ALDH7A1: variants seen among roughly 807,000 people sequenced by gnomAD.
The protein encoded by ALDH7A1 is alpha-aminoadipic semialdehyde dehydrogenase.
Under a neutral mutation model 79.9 loss-of-function variants are expected in ALDH7A1, and 63 were observed. The ratio of observed to expected loss-of-function variants is 0.79; its 90% confidence interval spans 0.64 to 0.97. The LOEUF (loss-of-function observed/expected upper bound fraction) is 0.97, where lower values mean the gene tolerates loss of function less well. Among genes scored for constraint, ALDH7A1 ranks in the 50% least tolerant of loss-of-function variants. ALDH7A1 has a pLI of 0.00. For synonymous variants in ALDH7A1, 240 were observed against 231.2 expected, an observed-to-expected ratio of 1.04 and a Z score of -0.34; for missense variants, 627 against 665.2, an observed-to-expected ratio of 0.94 and a Z score of 0.63.
At chr5:126,574,039 A>AAG (rs1256724340) in intron 7 of ALDH7A1, among the ~76,000 whole-genome samples, 4 of 151,306 alleles carry the variant, frequency 2.6e-5, no homozygotes, top group African/African-American at 9.7e-5. Flanking sequence ...AAAAAAAAAA[A>AAG]AAAAAAAGAA....
chr5:126,575,377 A>G (rs776316147), intron 7 of ALDH7A1, 43 bp downstream of exon 7: 2 of 1,593,018 alleles, frequency 1.3e-6, no homozygotes, highest in African/African-American at 1.3e-5. Context: ...AACCCTTTCA[A>G]TATTATTCCA....
At chr5:126,581,973 A>G (rs1024562037) in intron 5 of ALDH7A1, 2 of 375,098 alleles carry the variant, frequency 5.3e-6, no homozygotes, top group African/African-American at 4.3e-5. Context: ...GCGAGACTCC[A>G]TCTCAAAAAA....
rs1750386871 is a variant in ALDH7A1 at position 126,561,074 on chromosome 5, C to T, written c.913+9G>A. 1.9e-6 allele frequency: 3 copies of T among 1,613,212 alleles called. No homozygotes were observed. In the East Asian group the frequency reaches 6.7e-5, roughly 36 times the overall value. On this transcript the variant is annotated intron_variant, in intron 10 of 17. Transcript: ENST00000409134. Reference sequence around the variant, plus strand: ...CAGAAAACAAACAAAAACAAAGAGGCAGCCTTACCAATAATGGCATTGTTT... The same window carrying T: ...CAGAAAACAAACAAAAACAAAGAGGTAGCCTTACCAATAATGGCATTGTTT...
chr5:126,578,389 A>G (rs1751049654), intron 5 of ALDH7A1, among the ~76,000 whole-genome samples: 1 of 152,190 alleles, frequency 6.6e-6, no homozygotes, highest in Non-Finnish European at 1.5e-5. Context: ...CATGCCTACA[A>G]TGTCCAGCAC....
At chr5:126,582,704 C>T in intron 5 of ALDH7A1, 147 bp downstream of exon 5, 1 of 948,944 alleles carries the variant, frequency 1.1e-6, no homozygotes, top group South Asian at 1.6e-5. Flanking sequence ...TTTTAATTTG[C>T]ATTTCTTTGA....
chr5:126,593,308 AACACACACACACACACAC>A (rs142510783), intron 2 of ALDH7A1, 25 bp downstream of exon 2: 12 of 1,547,006 alleles, frequency 7.8e-6, no homozygotes, highest in African/African-American at 7.0e-5. Flanking sequence ...ATTTGAATTA[AACACACACACACACACAC>A]ACACACACAC....
intron 14 of ALDH7A1, 83 bp from the exon 15 acceptor site, chr5:126,550,376 G>T: frequency 2.9e-6 from 3 of 1,044,814 alleles, no homozygotes; most frequent in Non-Finnish European, 1.5e-6. Flanking sequence ...TTCCTGAAGT[G>T]TACCAGTATA....
chr5:126,570,492 A>C (rs1360801124), intron 8 of ALDH7A1: 1 of 369,212 alleles, frequency 2.7e-6, no homozygotes, highest in Non-Finnish European at 5.1e-6. Flanking sequence ...TTGATAAACC[A>C]AGTGTCAGGA....
chr5:126,577,534 G>C (rs17154679), intron 5 of ALDH7A1, among the ~76,000 whole-genome samples: 1 of 152,194 alleles, frequency 6.6e-6, no homozygotes, highest in Middle Eastern at 3.4e-3. Flanking sequence ...ATCACAAAGG[G>C]CAGAACATGA....
intron 7 of ALDH7A1, among the ~76,000 whole-genome samples, chr5:126,571,652 A>G (rs112080966): frequency 6.7e-6 from 1 of 148,642 alleles, no homozygotes; most frequent in African/African-American, 2.5e-5. Context: ...TTATTTATTT[A>G]TTTTTTTTTT....
rs1249290533 is a variant in ALDH7A1 at position 126,582,919 on chromosome 5, T to C, written c.449A>G (p.Tyr150Cys). 1 of 1,613,740 alleles carries C rather than the reference T, an allele frequency of 6.2e-7. No homozygotes were observed. Among genetic ancestry groups the C allele is most frequent in the Admixed American group, 1.7e-5 (1 of 59,992 alleles). The stretch of plus-strand genomic sequence containing the variant: ...AACAGCATAGTCACAGATATCCACA[T>C]ACTCCTGAACTTCACCCACACCTTC... ...LVEGVGEVQE[Y>C]VDICDYAVGL... Residue 150 changes from tyrosine to cysteine, a missense_variant, in exon 5 of 18, where the codon TAT (tyrosine) becomes TGT (cysteine). Tyr to Cys is a radical substitution (Grantham distance 194, BLOSUM62 -2). Transcript: ENST00000409134.
At chr5:126,574,023 C>CA (rs34601459) in intron 7 of ALDH7A1, among the ~76,000 whole-genome samples, 4,398 of 56,358 alleles carry the variant, frequency 0.078, 473 homozygotes, top group African/African-American at 0.2. Flanking sequence ...AAGACTGTCT[C>CA]AAAAAAAAAA....
intron 4 of ALDH7A1, among the ~76,000 whole-genome samples, chr5:126,583,517 T>C (rs1314110892): frequency 2.7e-5 from 4 of 147,994 alleles, no homozygotes. Context: ...TAATAAAATA[T>C]AATATAATAT....
chr5:126,585,169 G>C (rs1384697246), intron 3 of ALDH7A1, among the ~76,000 whole-genome samples: 1 of 152,086 alleles, frequency 6.6e-6, no homozygotes, highest in Non-Finnish European at 1.5e-5. Flanking sequence ...ATGGTGGCAG[G>C]TGCCTGTAAT....
In ALDH7A1 at chr5:126,542,700, G is replaced by C. The variant is rs1749649064; in HGVS notation, c.*2265C>G. 1 of 152,206 alleles carries C rather than the reference G, an allele frequency of 6.6e-6. No individual in the cohort carries two copies. The highest frequency in any genetic ancestry group is 1.5e-5 in the Non-Finnish European group (1 of 68,126). 9.4% of individuals were successfully genotyped at this position (152,206 alleles called of 1,614,324 possible). On this transcript the variant is annotated 3_prime_UTR_variant, in exon 18 of 18. Coordinates refer to ENST00000409134, the MANE Select transcript of ALDH7A1 (RefSeq NM_001182.5). The stretch of plus-strand genomic sequence containing the variant: ...CTGTGGTTGCAGAGCAAGAGAGAGA[G>C]GAGGCTTAACAGATTCCCACCCTGA...
In ALDH7A1 at chr5:126,551,699, C is replaced by A. The variant is rs140518171; in HGVS notation, c.1317+322G>T. Among the ~76,000 whole-genome samples the A allele has an allele frequency of 1.2e-3, 184 of 152,230 alleles. 2 individuals carry two copies. Among genetic ancestry groups the A allele is most frequent in the South Asian group, 7.3e-3 (35 of 4,818 alleles). On this transcript the variant is annotated intron_variant, in intron 14 of 17. Coordinates refer to ENST00000409134, the MANE Select transcript of ALDH7A1 (RefSeq NM_001182.5). ...TGTTCACAGCACTCAGGCTATCAAACTATCCAGTACCACGGTTCAGGAGAA... is the reference window on the plus strand; with the variant it reads ...TGTTCACAGCACTCAGGCTATCAAAATATCCAGTACCACGGTTCAGGAGAA...
At position 126,542,030 on chromosome 5, in the gene ALDH7A1, T is replaced by C. The variant is rs1261267842; in HGVS notation, c.*2935A>G. The C allele has an allele frequency of 6.6e-6, 1 of 151,066 alleles. No homozygotes were observed. Among genetic ancestry groups the C allele is most frequent in the Non-Finnish European group, 1.5e-5 (1 of 67,880 alleles). The allele number at this position is 151,066 out of a possible 1,614,324, so 9.4% of individuals were successfully genotyped here. A position where few individuals can be genotyped will look rare whatever the true frequency, so the allele number is the denominator to read the frequency against. The stretch of plus-strand genomic sequence containing the variant: ...TTTAAATCTAGAATCCTATATTCAA[T>C]CAATATGGGGATAAAGTTCTTCCCC... On this transcript the variant is annotated 3_prime_UTR_variant, in exon 18 of 18. Transcript: ENST00000409134.
intron 3 of ALDH7A1, among the ~76,000 whole-genome samples, chr5:126,585,635 C>T (rs1422906017): frequency 6.6e-6 from 1 of 152,186 alleles, no homozygotes; most frequent in Non-Finnish European, 1.5e-5. Context: ...GATCTCGGCT[C>T]AGTGCAACCT....
chr5:126,559,407 C>A (rs1581368812), intron 10 of ALDH7A1, 73 bp from the exon 11 acceptor site: 97 of 958,212 alleles, frequency 1.0e-4, no homozygotes, highest in Non-Finnish European at 1.4e-4. Context: ...TGGTATAAAA[C>A]AATGTTGTTT....
Sources: allele counts gnomAD v4.1 joint callset (sites outside exome capture counted in the v4.1 genomes callset), GRCh38; gene constraint gnomAD v4.1.1; transcripts MANE v1.5; gene names NCBI Gene and HGNC (gene_info 2026-07-23, HGNC 2026-07-21).